Variants in RBFOX1 observed in about 807,000 individuals in gnomAD.
RBFOX1 encodes the protein RNA binding protein fox-1 homolog 1.
A neutral mutation model predicts 57.7 loss-of-function variants in RBFOX1; 8 were observed. That is an observed-to-expected ratio of 0.14 (90% CI 0.08 to 0.25). The LOEUF (loss-of-function observed/expected upper bound fraction) is 0.25. Ranked by LOEUF, RBFOX1 falls within the 10% of genes least tolerant of loss-of-function variation. The pLI is 1.00. For missense variants in RBFOX1, 611 were observed against 548.5 expected (o/e 1.11, Z -1.14); for synonymous variants, 326 against 222.4 (o/e 1.47, Z -4.15).
At chr16:7,527,048 G>C (rs1159989869) in intron 5 of RBFOX1, among the ~76,000 whole-genome samples, 1 of 152,188 alleles carries the variant, frequency 6.6e-6, no homozygotes, top group Admixed American at 6.5e-5. Context: ...TACAGACTTC[G>C]AGTGTGCTCT....
chr16:6,905,967 C>T (rs1356533777), intron 3 of RBFOX1, among the ~76,000 whole-genome samples: 20 of 152,146 alleles, frequency 1.3e-4, no homozygotes, highest in Admixed American at 1.2e-3. Context: ...TGTTAGGTGC[C>T]AGGCTGCAGG....
At chr16:5,819,216 C>G (rs2055757470) in intron 3 of RBFOX1, among the ~76,000 whole-genome samples, 1 of 152,160 alleles carries the variant, frequency 6.6e-6, no homozygotes, top group African/African-American at 2.4e-5. Context: ...GGCCCACTTC[C>G]TAGATGGCCG....
intron 3 of RBFOX1, among the ~76,000 whole-genome samples, chr16:7,008,659 TCCTC>T (rs1479495913): frequency 2.3e-4 from 3 of 13,122 alleles, no homozygotes; most frequent in African/African-American, 4.6e-4. Flanking sequence ...CCTCCTCCCT[TCCTC>T]CCTCCCTCCC....
At chr16:5,410,954 C>CT (rs983479982) in intron 1 of RBFOX1, among the ~76,000 whole-genome samples, 6 of 152,194 alleles carry the variant, frequency 3.9e-5, no homozygotes, top group African/African-American at 1.2e-4. Flanking sequence ...CATGAAAGCA[C>CT]TTGTTTCAAA....
At chr16:5,734,871 C>T (rs868260342) in intron 3 of RBFOX1, among the ~76,000 whole-genome samples, 1 of 152,118 alleles carries the variant, frequency 6.6e-6, no homozygotes, top group Non-Finnish European at 1.5e-5. Flanking sequence ...AAAGTAACAT[C>T]GTGAGACACC....
At chr16:7,468,580 A>G (rs1313783684) in intron 4 of RBFOX1, among the ~76,000 whole-genome samples, 3 of 151,316 alleles carry the variant, frequency 2.0e-5, no homozygotes, top group Non-Finnish European at 4.4e-5. Flanking sequence ...GACAGCTTCC[A>G]TCTTGGTGTT....
intron 1 of RBFOX1, among the ~76,000 whole-genome samples, chr16:6,215,703 TG>T (rs777466150): frequency 1.3e-5 from 2 of 152,152 alleles, no homozygotes. Context: ...TTGTTTATCC[TG>T]GGTGATGATC....
In RBFOX1 at chr16:6,271,747, C is replaced by T. The variant is rs143128115; in HGVS notation, c.-126-45248C>T. ...AAAATACAAACCATCATATTTTACTCACTGTGAAATGGATAATTTGAATGT... is the reference window on the plus strand; with the variant it reads ...AAAATACAAACCATCATATTTTACTTACTGTGAAATGGATAATTTGAATGT... On this transcript the variant is annotated intron_variant, in intron 1 of 15. Transcript: ENST00000550418. Among the ~76,000 whole-genome samples the T allele has an allele frequency of 7.9e-5, 12 of 152,242 alleles. No homozygotes were observed. The East Asian group carries it at 1.7e-3, about 22-fold the overall frequency.
At chr16:7,681,552 TAATTG>T (rs2074754262) in intron 14 of RBFOX1, among the ~76,000 whole-genome samples, 1 of 152,158 alleles carries the variant, frequency 6.6e-6, no homozygotes, top group South Asian at 2.1e-4. Context: ...TATTCCATTT[TAATTG>T]GAGTTCTTAT....
intron 4 of RBFOX1, among the ~76,000 whole-genome samples, chr16:7,269,607 G>A (rs892545204): frequency 7.9e-5 from 12 of 152,112 alleles, no homozygotes; most frequent in Non-Finnish European, 1.5e-4. Flanking sequence ...GAAATTACAT[G>A]TAATGATTCC....
chr16:5,357,481 C>G (rs1159526622), intron 1 of RBFOX1, among the ~76,000 whole-genome samples: 2 of 152,194 alleles, frequency 1.3e-5, no homozygotes, highest in African/African-American at 4.8e-5. Context: ...CAGGGAAGAG[C>G]CACACAGAGA....
At chr16:7,065,085 T>C (rs1370122876) in intron 4 of RBFOX1, among the ~76,000 whole-genome samples, 1 of 152,206 alleles carries the variant, frequency 6.6e-6, no homozygotes, top group Non-Finnish European at 1.5e-5. Flanking sequence ...TGTTACTTGG[T>C]TTCATCTCTG....
rs146900497 is a variant in RBFOX1 at position 6,110,342 on chromosome 16, A to C, written c.-127+90350A>C. Among the ~76,000 whole-genome samples the C allele has an allele frequency of 6.9e-3, 1,055 of 152,264 alleles. 16 individuals carry two copies. Among genetic ancestry groups the C allele is most frequent in the African/African-American group, 0.024 (1,003 of 41,554 alleles). ...CTCTGGAAATTGATGATTGCTAGAG[A>C]ATAGCACAGAATTCTAGGTAGGCAC... On this transcript the variant is annotated intron_variant, in intron 1 of 15. Coordinates refer to ENST00000550418, the MANE Select transcript of RBFOX1 (RefSeq NM_018723.4).
chr16:7,555,979 G>A (rs770131156), intron 5 of RBFOX1, among the ~76,000 whole-genome samples: 1 of 150,624 alleles, frequency 6.6e-6, no homozygotes, highest in Non-Finnish European at 1.5e-5. Flanking sequence ...TTTTCTCCAC[G>A]ATGCATTTCC....
At chr16:7,134,697 G>C (rs1167138120) in intron 4 of RBFOX1, among the ~76,000 whole-genome samples, 2 of 152,298 alleles carry the variant, frequency 1.3e-5, no homozygotes, top group East Asian at 3.9e-4. Flanking sequence ...TAGAAATCCT[G>C]ACTGTGAAAA....
chr16:6,931,969 C>T (rs567100965), intron 3 of RBFOX1, among the ~76,000 whole-genome samples: 1 of 152,240 alleles, frequency 6.6e-6, no homozygotes, highest in Admixed American at 6.5e-5. Context: ...AATCAGGAAT[C>T]AACTCCCAAG....
At chr16:5,253,638 G>T (rs1467822827) in intron 1 of RBFOX1, among the ~76,000 whole-genome samples, 1 of 152,212 alleles carries the variant, frequency 6.6e-6, no homozygotes, top group Non-Finnish European at 1.5e-5. Context: ...CTCATCCTGT[G>T]CTTTTAGGAG....
chr16:5,484,913 G>C (rs964569120), intron 2 of RBFOX1, among the ~76,000 whole-genome samples: 3 of 151,128 alleles, frequency 2.0e-5, no homozygotes, highest in African/African-American at 7.3e-5. Context: ...AAAAAATTTA[G>C]CAGGGCATTG....
chr16:5,819,131 C>T (rs1355027295), intron 3 of RBFOX1, among the ~76,000 whole-genome samples: 1 of 152,166 alleles, frequency 6.6e-6, no homozygotes, highest in African/African-American at 2.4e-5. Context: ...TTATACACAA[C>T]AGAAATGTAT....
Sources: gnomAD v4.1 joint callset for allele counts (sites outside exome capture counted in the v4.1 genomes callset) on GRCh38, gnomAD v4.1.1 for gene constraint, MANE v1.5 for transcripts, NCBI Gene and HGNC (gene_info 2026-07-23, HGNC 2026-07-21) for gene names.